The following BAZ2B variants were observed in gnomAD, a reference collection of about 807,000 sequenced individuals.
BAZ2B encodes bromodomain adjacent to zinc finger domain 2B, also known as bromodomain adjacent to zinc finger domain protein 2B.
In BAZ2B, 91 loss-of-function variants were observed where a neutral mutation model predicts 246.0. The observed-to-expected ratio is 0.37, with a 90% CI of 0.31 to 0.44. The LOEUF is 0.44. BAZ2B is among the 20% of genes least tolerant of loss of function. BAZ2B has a pLI of 1.00. For missense variants in BAZ2B, 2,332 were observed against 2,533.7 expected (o/e 0.92, Z 1.71); for synonymous variants, 855 against 860.0 (o/e 0.99, Z 0.10).
intron 2 of BAZ2B, among the ~76,000 whole-genome samples, chr2:159,509,472 A>G (rs2082679872): frequency 6.6e-6 from 1 of 152,178 alleles, no homozygotes; most frequent in Admixed American, 6.5e-5. Flanking sequence ...ATATGTTTTC[A>G]CACATAACAC....
chr2:159,432,735 TA>T (rs1219343314), intron 9 of BAZ2B, 21 bp downstream of exon 9: 3 of 1,597,158 alleles, frequency 1.9e-6, no homozygotes, highest in African/African-American at 2.7e-5. Flanking sequence ...AGAAATACTT[TA>T]AATTTTAAAA....
chr2:159,709,656 T>G, the BAZ2B span, among the ~76,000 whole-genome samples: 1 of 152,222 alleles, frequency 6.6e-6, no homozygotes, highest in Non-Finnish European at 1.5e-5. Context: ...CCACCATTTA[T>G]GCAAAGTAAA....
chr2:159,483,766 G>C (rs2150969360), intron 2 of BAZ2B, among the ~76,000 whole-genome samples: 1 of 152,150 alleles, frequency 6.6e-6, no homozygotes, highest in Middle Eastern at 3.4e-3. Context: ...GGGCAACAGA[G>C]TGAGACTCCG....
intron 3 of BAZ2B, among the ~76,000 whole-genome samples, chr2:159,467,275 T>C (rs1238050139): frequency 6.6e-6 from 1 of 152,156 alleles, no homozygotes; most frequent in Non-Finnish European, 1.5e-5. Context: ...TCGATATGGC[T>C]AGGTGAAAAA....
chr2:159,385,378 G>T lies in BAZ2B; in HGVS notation c.3472-9C>A, dbSNP rs1470860067. On this transcript the variant is annotated splice_polypyrimidine_tract_variant and intron_variant, in intron 22 of 36. Coordinates refer to ENST00000392783, the MANE Select transcript of BAZ2B (RefSeq NM_013450.4). ...CCAAGAGCTGTTTTAGCCTATAAAAGTTTGGCATTTTTATCAGTATTACTC... is the reference window on the plus strand; with the variant it reads ...CCAAGAGCTGTTTTAGCCTATAAAATTTTGGCATTTTTATCAGTATTACTC... The T allele has an allele frequency of 3.1e-6, 5 of 1,608,732 alleles. No homozygotes were observed. The highest frequency in any genetic ancestry group is 1.3e-5 in the African/African-American group (1 of 74,696).
intron 1 of BAZ2B, among the ~76,000 whole-genome samples, chr2:159,587,698 C>G (rs1158542173): frequency 6.6e-6 from 1 of 152,136 alleles, no homozygotes; most frequent in East Asian, 1.9e-4. Flanking sequence ...TACATTAAAT[C>G]TAATTCTCCG....
intron 1 of BAZ2B, among the ~76,000 whole-genome samples, chr2:159,586,465 C>T (rs973840571): frequency 6.6e-6 from 1 of 152,082 alleles, no homozygotes; most frequent in Non-Finnish European, 1.5e-5. Flanking sequence ...AAAAGTGTTA[C>T]CAATTTTCAG....
At chr2:159,622,625 T>C in the BAZ2B span, among the ~76,000 whole-genome samples, 1 of 152,128 alleles carries the variant, frequency 6.6e-6, no homozygotes, top group Non-Finnish European at 1.5e-5. Flanking sequence ...GACAGTTGAA[T>C]AAACTTATAT....
intron 20 of BAZ2B, among the ~76,000 whole-genome samples, chr2:159,394,258 A>G (rs2063708986): frequency 6.6e-6 from 1 of 152,074 alleles, no homozygotes; most frequent in Admixed American, 6.6e-5. Context: ...TGAGAGAATT[A>G]GGTTCAGTGT....
At chr2:159,662,826 C>T in the BAZ2B span, among the ~76,000 whole-genome samples, 1 of 152,024 alleles carries the variant, frequency 6.6e-6, no homozygotes, top group Non-Finnish European at 1.5e-5. Context: ...GCCACTGCGC[C>T]CAGCCCTTAC....
intron 13 of BAZ2B, 47 bp downstream of exon 13, chr2:159,427,893 TG>T (rs1559374771): frequency 2.1e-6 from 3 of 1,433,376 alleles, no homozygotes; most frequent in Non-Finnish European, 2.9e-6. Flanking sequence ...ATTTAGGTTA[TG>T]GTACTACTTT....
At chr2:159,554,111 T>TC (rs1369958849) in intron 2 of BAZ2B, among the ~76,000 whole-genome samples, 1 of 152,174 alleles carries the variant, frequency 6.6e-6, no homozygotes, top group Non-Finnish European at 1.5e-5. Flanking sequence ...AATGAACACT[T>TC]CTTACTCTTT....
intron 31 of BAZ2B, among the ~76,000 whole-genome samples, chr2:159,341,703 G>C (rs775408326): frequency 6.6e-6 from 1 of 152,082 alleles, no homozygotes; most frequent in African/African-American, 2.4e-5. Flanking sequence ...CTATAAATCA[G>C]TAACAAGAGG....
chr2:159,593,369 A>G (rs951115720), intron 1 of BAZ2B, among the ~76,000 whole-genome samples: 2 of 152,170 alleles, frequency 1.3e-5, no homozygotes, highest in Non-Finnish European at 2.9e-5. Flanking sequence ...AAAATTATGG[A>G]AGACTTTAAC....
chr2:159,355,471 A>G (rs1194374067), intron 27 of BAZ2B, among the ~76,000 whole-genome samples: 1 of 152,142 alleles, frequency 6.6e-6, no homozygotes, highest in Non-Finnish European at 1.5e-5. Context: ...ATAACATAAA[A>G]CCATTACCCT....
chr2:159,416,920 C>G (rs1318998444), intron 13 of BAZ2B, among the ~76,000 whole-genome samples: 4 of 152,084 alleles, frequency 2.6e-5, no homozygotes, highest in Non-Finnish European at 5.9e-5. Context: ...TGGGTGAGAA[C>G]AAGTAGTATT....
At chr2:159,543,673 C>T (rs1462001968) in intron 2 of BAZ2B, among the ~76,000 whole-genome samples, 3 of 151,734 alleles carry the variant, frequency 2.0e-5, no homozygotes, top group Non-Finnish European at 4.4e-5. Context: ...GTAGCTGCAA[C>T]TACAGGCACA....
chr2:159,593,277 A>G (rs1430922271), intron 1 of BAZ2B, among the ~76,000 whole-genome samples: 1 of 152,172 alleles, frequency 6.6e-6, no homozygotes, highest in Non-Finnish European at 1.5e-5. Context: ...TCTGTATTTT[A>G]TCTTTGTAGA....
chr2:159,502,891 T>C (rs1049199333), intron 2 of BAZ2B, among the ~76,000 whole-genome samples: 1 of 152,210 alleles, frequency 6.6e-6, no homozygotes, highest in African/African-American at 2.4e-5. Flanking sequence ...CCACATTACA[T>C]ATACTTTTTA....
Sources: gnomAD v4.1 joint callset for allele counts (sites outside exome capture counted in the v4.1 genomes callset) on GRCh38, gnomAD v4.1.1 for gene constraint, MANE v1.5 for transcripts, NCBI Gene and HGNC (gene_info 2026-07-23, HGNC 2026-07-21) for gene names.